Variants in RASA2 observed in about 807,000 individuals in gnomAD.
RASA2 encodes ras GTPase-activating protein 2.
A neutral mutation model predicts 118.2 loss-of-function variants in RASA2; 155 were observed. The observed-to-expected ratio is 1.31, with a 90% CI of 1.15 to 1.50. The LOEUF (loss-of-function observed/expected upper bound fraction) is 1.50, where lower values mean the gene tolerates loss of function less well. Among genes scored for constraint, RASA2 ranks in the 40% most tolerant of loss-of-function variants. RASA2 has a pLI of 0.00. For synonymous variants in RASA2, 353 were observed against 349.1 expected (o/e 1.01, Z -0.12); for missense variants, 1,016 against 1,009.6 (o/e 1.01, Z -0.09).
intron 19 of RASA2, among the ~76,000 whole-genome samples, chr3:141,596,390 T>C (rs1220899086): frequency 6.6e-6 from 1 of 152,212 alleles, no homozygotes; most frequent in Non-Finnish European, 1.5e-5. Flanking sequence ...TTGATTGTTA[T>C]TAACAAGTAA....
chr3:141,582,902 A>G (rs1237374800), intron 17 of RASA2, among the ~76,000 whole-genome samples: 2 of 152,242 alleles, frequency 1.3e-5, no homozygotes, highest in East Asian at 1.9e-4. Flanking sequence ...GATAACCTGG[A>G]TAGTTCTATA....
Position 141,553,713 on chromosome 3 carries a change from A to G in RASA2, c.528-144A>G, listed in dbSNP as rs538951337. ...GTCCATACATATTACTACCTATTCC[A>G]TATAGGTAGTATATAGCCATACAAC... is the stretch of plus-strand genomic sequence containing the variant. On this transcript the variant is annotated intron_variant, in intron 5 of 23. Coordinates refer to ENST00000286364, the MANE Select transcript of RASA2 (RefSeq NM_006506.5). The G allele has an allele frequency of 6.0e-5, 79 of 1,316,660 alleles. No individual in the cohort carries two copies. The South Asian group carries it at 1.1e-3, about 19-fold the overall frequency. 81.6% of individuals were successfully genotyped at this position (1,316,660 alleles called of 1,614,324 possible). A position where few individuals can be genotyped will look rare whatever the true frequency, so the allele number is the denominator to read the frequency against.
At chr3:141,508,055 A>C (rs2081895412) in intron 1 of RASA2, among the ~76,000 whole-genome samples, 1 of 152,180 alleles carries the variant, frequency 6.6e-6, no homozygotes, top group South Asian at 2.1e-4. Flanking sequence ...GTTTATAAAT[A>C]ATACCGTCAA....
At position 141,609,418 on chromosome 3, in the gene RASA2, A is replaced by G; in HGVS notation, c.2226-2A>G. ...ATCTTTATTTTTTTATTTTTACCATAGAGGTGTCCCTGCAGACATCCAAAT... is the reference window on the plus strand; with the variant it reads ...ATCTTTATTTTTTTATTTTTACCATGGAGGTGTCCCTGCAGACATCCAAAT... On this transcript the variant is annotated splice_acceptor_variant, in intron 21 of 23. Transcript: ENST00000286364. LOFTEE classifies it high-confidence loss of function. The G allele has an allele frequency of 6.6e-7, 1 of 1,524,110 alleles. No individual in the cohort carries two copies. Among genetic ancestry groups the G allele is most frequent in the Non-Finnish European group, 8.9e-7 (1 of 1,122,752 alleles). 94.4% of individuals were successfully genotyped at this position (1,524,110 alleles called of 1,614,324 possible).
intron 1 of RASA2, among the ~76,000 whole-genome samples, chr3:141,508,888 A>G (rs1162171021): frequency 2.0e-5 from 3 of 152,166 alleles, no homozygotes; most frequent in African/African-American, 7.2e-5. Context: ...GAGGCCCTGA[A>G]CAAATATCAC....
At chr3:141,566,215 G>A (rs1403558269) in intron 9 of RASA2, among the ~76,000 whole-genome samples, 1 of 152,228 alleles carries the variant, frequency 6.6e-6, no homozygotes, top group Non-Finnish European at 1.5e-5. Flanking sequence ...ATGGCTCTAA[G>A]CCGTGATCAT....
intron 1 of RASA2, among the ~76,000 whole-genome samples, chr3:141,496,700 C>T (rs992433055): frequency 8.5e-5 from 13 of 152,184 alleles, no homozygotes; most frequent in South Asian, 2.1e-4. Context: ...AATAGGAACA[C>T]TTTTACACTG....
In RASA2 at chr3:141,581,080, C is replaced by A; in HGVS notation, c.1675-20C>A. The A allele has an allele frequency of 6.6e-7, 1 of 1,506,962 alleles. No homozygotes were observed. Among genetic ancestry groups the A allele is most frequent in the South Asian group, 1.4e-5 (1 of 73,782 alleles). The allele number at this position is 1,506,962 out of a possible 1,614,324, so 93.3% of individuals were successfully genotyped here. On this transcript the variant is annotated intron_variant, in intron 16 of 23. Transcript: ENST00000286364. The stretch of plus-strand genomic sequence containing the variant: ...ATTCTCTATTTAACACATATAAACC[C>A]TGTGTTTGTTTTTTCTTAGTCAAGT...
At chr3:141,564,691 TA>T (rs889049826) in intron 9 of RASA2, among the ~76,000 whole-genome samples, 1 of 152,038 alleles carries the variant, frequency 6.6e-6, no homozygotes, top group African/African-American at 2.4e-5. Flanking sequence ...TACCAACAGG[TA>T]AAAAAATACA....
At chr3:141,564,644 C>T (rs190392475) in intron 9 of RASA2, among the ~76,000 whole-genome samples, 2 of 152,244 alleles carry the variant, frequency 1.3e-5, no homozygotes, top group East Asian at 3.9e-4. Flanking sequence ...CTGTACTCAC[C>T]ACAACGCCTT....
At chr3:141,534,828 A>G (rs1245497962) in intron 4 of RASA2, among the ~76,000 whole-genome samples, 1 of 152,062 alleles carries the variant, frequency 6.6e-6, no homozygotes, top group African/African-American at 2.4e-5. Flanking sequence ...CTTTAAGGAG[A>G]AAACAACACC....
At chr3:141,587,063 G>A (rs971247074) in intron 19 of RASA2, among the ~76,000 whole-genome samples, 6 of 152,300 alleles carry the variant, frequency 3.9e-5, no homozygotes, top group Non-Finnish European at 7.4e-5. Context: ...GAACATGGGA[G>A]TTTCTTTAAC....
chr3:141,609,779 C>T, intron 22 of RASA2, 98 bp from the exon 23 acceptor site: 1 of 1,170,074 alleles, frequency 8.5e-7, no homozygotes, highest in Non-Finnish European at 1.2e-6. Flanking sequence ...GGGAAATCCC[C>T]TCAGCATAAG....
At chr3:141,559,830 G>C in intron 8 of RASA2, 64 bp from the exon 9 acceptor site, 1 of 1,337,564 alleles carries the variant, frequency 7.5e-7, no homozygotes, top group South Asian at 1.2e-5. Flanking sequence ...ATTTGAAGCT[G>C]TTTTGTGGTG....
At chr3:141,600,405 G>C (rs1403531982) in intron 19 of RASA2, 2 of 462,500 alleles carry the variant, frequency 4.3e-6, no homozygotes, top group Non-Finnish European at 8.9e-6. Context: ...TTCAAGATGA[G>C]CCTCCAGGCG....
chr3:141,556,001 T>C, intron 7 of RASA2, 89 bp downstream of exon 7: 3 of 1,021,732 alleles, frequency 2.9e-6, no homozygotes, highest in Non-Finnish European at 4.3e-6. Flanking sequence ...GTCATAGTAA[T>C]CATTTTATCA....
chr3:141,519,983 G>A (rs1267357731), intron 3 of RASA2, among the ~76,000 whole-genome samples: 2 of 148,228 alleles, frequency 1.3e-5, no homozygotes, highest in East Asian at 2.0e-4. Context: ...GGAAAAAGAA[G>A]AACAATTTCT....
rs1289389656 is a variant in RASA2 at position 141,516,405 on chromosome 3, A to G, written c.329A>G (p.Asn110Ser). Residue 110 changes from asparagine to serine, a missense_variant, in exon 3 of 24, where the codon AAT becomes AGT. By Grantham distance (46) the Asn-to-Ser change is conservative. This residue lies in a region of RASA2 where 896 missense variants were observed against 836.4 expected (regional missense o/e 1.07). Coordinates refer to ENST00000286364, the MANE Select transcript of RASA2 (RefSeq NM_006506.5). ...TTGTCTTTCTATGTTTATGATAAGA[A>G]TGTTTTACAAAGAGATCTCCGTATA... ...QYLSFYVYDK[N>S]VLQRDLRIGK... 6 of 1,554,004 alleles carry G rather than the reference A, an allele frequency of 3.9e-6. No homozygotes were observed. The highest frequency in any genetic ancestry group is 2.4e-5 in the East Asian group (1 of 42,086).
chr3:141,578,775 T>A (rs2107766627), intron 15 of RASA2: 1 of 152,354 alleles, frequency 6.6e-6, no homozygotes, highest in South Asian at 2.1e-4. Flanking sequence ...CTTGTATTCA[T>A]ACTTGAATTT....
Sources: allele counts gnomAD v4.1 joint callset (sites outside exome capture counted in the v4.1 genomes callset), GRCh38; gene constraint gnomAD v4.1.1; regional missense constraint gnomAD v4.1.1; transcripts MANE v1.5; gene names NCBI Gene and HGNC (gene_info 2026-07-23, HGNC 2026-07-21).